RPGRIP1: variants seen among roughly 807,000 people sequenced by gnomAD.
RPGRIP1 encodes the protein RPGR interacting protein 1.
A neutral mutation model predicts 157.9 loss-of-function variants in RPGRIP1; 128 were observed. The ratio of observed to expected loss-of-function variants is 0.81; its 90% confidence interval spans 0.70 to 0.94. The LOEUF (loss-of-function observed/expected upper bound fraction) is 0.94. Ranked by LOEUF, RPGRIP1 falls within the 40% of genes least tolerant of loss-of-function variation. The pLI is 0.00. For synonymous variants in RPGRIP1, 554 were observed against 571.6 expected (o/e 0.97, Z 0.44); for missense variants, 1,486 against 1,545.8 (o/e 0.96, Z 0.65).
rs1247201665 is a variant in RPGRIP1, at chr14:21,303,085, G to T, written c.588-246G>T. ...GGGTTTCACTATGTTGGCCAGGCTT[G>T]TCTCCAACTCCTGACCTTGTGATCT... is the stretch of plus-strand genomic sequence containing the variant. On this transcript the variant is annotated intron_variant, in intron 5 of 24. Coordinates refer to ENST00000400017, the MANE Select transcript of RPGRIP1 (RefSeq NM_020366.4). 2.9e-5 allele frequency: 11 copies of T among 383,274 alleles called. No homozygotes were observed. In the South Asian group the frequency reaches 3.0e-4, roughly 11 times the overall value. The allele number at this position is 383,274 out of a possible 1,614,324, so 23.7% of individuals were successfully genotyped here. A position where few individuals can be genotyped will look rare whatever the true frequency, so the allele number is the denominator to read the frequency against.
intron 21 of RPGRIP1, among the ~76,000 whole-genome samples, chr14:21,340,550 G>A (rs1884889894): frequency 6.6e-6 from 1 of 152,116 alleles, no homozygotes; most frequent in Non-Finnish European, 1.5e-5. Context: ...AGCTACTCAG[G>A]AGGCTGGGGC....
At chr14:21,330,219 C>A in intron 19 of RPGRIP1, 30 bp from the exon 20 acceptor site, 1 of 1,483,886 alleles carries the variant, frequency 6.7e-7, no homozygotes, top group Non-Finnish European at 8.9e-7. Context: ...ATATTACCAG[C>A]TATGTAGTAT....
chr14:21,314,423 G>A (rs1300969590), intron 10 of RPGRIP1, among the ~76,000 whole-genome samples: 6 of 151,906 alleles, frequency 3.9e-5, no homozygotes, highest in South Asian at 2.1e-4. Flanking sequence ...TTTTCACAAT[G>A]AGCATGTATT....
intron 24 of RPGRIP1, among the ~76,000 whole-genome samples, chr14:21,349,633 C>A (rs964243466): frequency 6.6e-6 from 1 of 151,438 alleles, no homozygotes; most frequent in East Asian, 2.0e-4. Flanking sequence ...AACTCCCAAC[C>A]TCATGTGATT....
chr14:21,330,216 C>T (rs753874978), intron 19 of RPGRIP1, 33 bp from the exon 20 acceptor site: 2 of 1,449,534 alleles, frequency 1.4e-6, no homozygotes, highest in South Asian at 3.3e-5. Flanking sequence ...AAGATATTAC[C>T]AGCTATGTAG....
At chr14:21,309,070 T>C (rs1275970757) in intron 7 of RPGRIP1, among the ~76,000 whole-genome samples, 1 of 152,202 alleles carries the variant, frequency 6.6e-6, no homozygotes, top group Non-Finnish European at 1.5e-5. Flanking sequence ...AAAGGTTGCC[T>C]TCCCGGCTGT....
At chr14:21,320,262 CT>C in intron 12 of RPGRIP1, 85 bp downstream of exon 12, 1 of 1,224,656 alleles carries the variant, frequency 8.2e-7, no homozygotes, top group Middle Eastern at 1.9e-4. Flanking sequence ...GATTAGAAAA[CT>C]AACTAAATAA....
chr14:21,302,333 G>A (rs1003861314), intron 4 of RPGRIP1, among the ~76,000 whole-genome samples, 155 bp from the exon 5 acceptor site: 3 of 135,608 alleles, frequency 2.2e-5, no homozygotes, highest in African/African-American at 8.4e-5. Flanking sequence ...TTTTGCAAGA[G>A]TAAAAAAAAA....
chr14:21,322,143 A>T, intron 14 of RPGRIP1, 139 bp downstream of exon 14: 1 of 674,988 alleles, frequency 1.5e-6, no homozygotes, highest in Non-Finnish European at 2.2e-6. Context: ...TTATCCTATC[A>T]TTTTTGTTGT....
At chr14:21,282,736 A>T (rs1346260164) in intron 1 of RPGRIP1, among the ~76,000 whole-genome samples, 11 of 146,384 alleles carry the variant, frequency 7.5e-5, no homozygotes, top group African/African-American at 2.3e-4. Context: ...CAGCCTCCCC[A>T]GTAGCTGGGA....
intron 3 of RPGRIP1, 108 bp from the exon 4 acceptor site, chr14:21,300,858 G>T (rs953805806): frequency 2.3e-6 from 3 of 1,285,672 alleles, no homozygotes; most frequent in Non-Finnish European, 3.3e-6. Context: ...AATAGATCAC[G>T]GTAGATGAAT....
chr14:21,319,876 G>C, intron 11 of RPGRIP1, 141 bp from the exon 12 acceptor site: 1 of 861,348 alleles, frequency 1.2e-6, no homozygotes, highest in African/African-American at 1.7e-5. Context: ...GTCCTCCTCT[G>C]TAGAAATAAT....
chr14:21,337,754 T>C (rs899641705), intron 21 of RPGRIP1, among the ~76,000 whole-genome samples: 7 of 85,178 alleles, frequency 8.2e-5, no homozygotes, highest in African/African-American at 2.5e-4. Flanking sequence ...AGGTTAAGCA[T>C]TTTTTTTTTT....
intron 3 of RPGRIP1, among the ~76,000 whole-genome samples, chr14:21,299,492 G>C (rs972801389): frequency 6.6e-6 from 1 of 151,992 alleles, no homozygotes; most frequent in African/African-American, 2.4e-5. Flanking sequence ...TTTACACCTT[G>C]TTTTCTTTAT....
rs778563328 is a variant in RPGRIP1, at chr14:21,328,613, G to A, written c.3085G>A (p.Gly1029Arg). 1.9e-6 allele frequency: 3 copies of A among 1,611,866 alleles called. No homozygotes were observed. The highest frequency in any genetic ancestry group is 2.5e-6 in the Non-Finnish European group (3 of 1,178,216). ...MEYLSLNILN[G>R]NTPEQVNYTE... Reference sequence around the variant, plus strand: ...GTATCTTAGCCTTAACATCTTAAATGGAAATACACCAGAGGTAAGACCTTA... The same window carrying A: ...GTATCTTAGCCTTAACATCTTAAATAGAAATACACCAGAGGTAAGACCTTA... Residue 1029 changes from glycine (G) to arginine (R), a missense_variant, in exon 19 of 25, where the codon GGA becomes AGA. Coordinates refer to ENST00000400017, the MANE Select transcript of RPGRIP1 (RefSeq NM_020366.4).
chr14:21,302,523 TC>T lies in RPGRIP1; in HGVS notation c.527del (p.Ser176CysfsTer14). ...RDRLSYTAPP[S>X]FKEHATNENR... Reference sequence around the variant, plus strand: ...CAGGCTGAGCTACACAGCCCCTCCATCGTTTAAGGAGCATGCGACAAATGAA... The same window carrying T: ...CAGGCTGAGCTACACAGCCCCTCCATGTTTAAGGAGCATGCGACAAATGAA... On this transcript the variant is annotated frameshift_variant, in exon 5 of 25. Coordinates refer to ENST00000400017, the MANE Select transcript of RPGRIP1 (RefSeq NM_020366.4). LOFTEE classifies it high-confidence loss of function. 6.3e-7 allele frequency: 1 copy of T among 1,587,162 alleles called. No individual in the cohort carries two copies. Among genetic ancestry groups the T allele is most frequent in the Non-Finnish European group, 8.6e-7 (1 of 1,164,662 alleles).
At chr14:21,304,413 AAGAAAGAAAG>A (rs1336229829) in intron 6 of RPGRIP1, among the ~76,000 whole-genome samples, 1 of 150,998 alleles carries the variant, frequency 6.6e-6, no homozygotes, top group Non-Finnish European at 1.5e-5. Context: ...GAAAGAAAGA[AAGAAAGAAAG>A]AAAGAAAGAA....
At chr14:21,341,298 T>C (rs1884974873) in intron 21 of RPGRIP1, among the ~76,000 whole-genome samples, 2 of 152,148 alleles carry the variant, frequency 1.3e-5, no homozygotes, top group South Asian at 4.1e-4. Flanking sequence ...CCCAAAATGC[T>C]GGTATTACAG....
At chr14:21,292,539 AC>A (rs1447171544) in intron 2 of RPGRIP1, among the ~76,000 whole-genome samples, 3 of 151,748 alleles carry the variant, frequency 2.0e-5, no homozygotes, top group Non-Finnish European at 2.9e-5. Context: ...AGACCTTGTC[AC>A]TATAAAAAAT....
Sources: allele counts gnomAD v4.1 joint callset (sites outside exome capture counted in the v4.1 genomes callset), GRCh38; gene constraint gnomAD v4.1.1; transcripts MANE v1.5; gene names NCBI Gene and HGNC (gene_info 2026-07-23, HGNC 2026-07-21).